Variants in AGAP1 observed in about 807,000 individuals in gnomAD.
The protein encoded by AGAP1 is arf-GAP with GTPase, ANK repeat and PH domain-containing protein 1.
AGAP1 carries 29 observed loss-of-function variants against 105.3 expected under a neutral mutation model. The observed-to-expected ratio is 0.28, with a 90% CI of 0.21 to 0.38. AGAP1 has a LOEUF of 0.38. Ranked by LOEUF, AGAP1 falls within the 10% of genes least tolerant of loss-of-function variation. AGAP1 has a pLI of 1.00. For missense variants in AGAP1, 998 were observed against 1,165.1 expected (o/e 0.86, Z 2.09); for synonymous variants, 509 against 485.9 (o/e 1.05, Z -0.63).
chr2:236,084,224 G>GT (rs1491455919), intron 16 of AGAP1, among the ~76,000 whole-genome samples: 1 of 136,054 alleles, frequency 7.4e-6, no homozygotes, highest in Non-Finnish European at 1.7e-5. Context: ...CCTGAAGGGC[G>GT]GGGGGGGGTC....
rs1245254154 is a variant in AGAP1, at chr2:235,729,057, T to TGGGCTCCA, written c.310+11423_310+11430dup. On this transcript the variant is annotated intron_variant, in intron 3 of 17. Coordinates refer to ENST00000304032, the MANE Select transcript of AGAP1 (RefSeq NM_001037131.3). The surrounding 1 kb of genome is among the most constrained non-coding windows in gnomAD (Gnocchi z 5.0). The stretch of plus-strand genomic sequence containing the variant: ...GAGGCATGATAAGAGTCAGAGTGGC[T>TGGGCTCCA]GGGCTCCAGGGCTCCAGCCAGGCTA... 6.6e-6 allele frequency among the ~76,000 whole-genome samples: 1 copy of TGGGCTCCA among 152,100 alleles called. No homozygotes were observed. Among genetic ancestry groups the TGGGCTCCA allele is most frequent in the Non-Finnish European group, 1.5e-5 (1 of 68,026 alleles).
intron 9 of AGAP1, among the ~76,000 whole-genome samples, chr2:235,810,062 C>T (rs1404817053): frequency 6.6e-6 from 1 of 152,116 alleles, no homozygotes; most frequent in East Asian, 1.9e-4. Flanking sequence ...TCTCCACTGC[C>T]CATTGATGAA....
At position 235,701,357 on chromosome 2, in the gene AGAP1, C is replaced by G. The variant is rs76775865; in HGVS notation, c.164-7822C>G. 6.6e-6 allele frequency among the ~76,000 whole-genome samples: 1 copy of G among 151,922 alleles called. No individual in the cohort carries two copies. Among genetic ancestry groups the G allele is most frequent in the African/African-American group, 2.4e-5 (1 of 41,330 alleles). On this transcript the variant is annotated intron_variant, in intron 1 of 17. Transcript: ENST00000304032. This position sits in a 1 kb window ranked among gnomAD's most constrained non-coding sequence, Gnocchi z 4.1. Reference sequence around the variant, plus strand: ...TCGCCTCAGGGCTCAGGGGAAAGAGCCTTGGAATTGCAGGCAGTGGCGTGG... The same window carrying G: ...TCGCCTCAGGGCTCAGGGGAAAGAGGCTTGGAATTGCAGGCAGTGGCGTGG...
intron 13 of AGAP1, among the ~76,000 whole-genome samples, chr2:235,996,194 G>T (rs1271007235): frequency 1.3e-5 from 2 of 152,182 alleles, no homozygotes; most frequent in Non-Finnish European, 2.9e-5. Context: ...ATTAGTAGCA[G>T]CCATTGTCAT....
chr2:235,592,972 T>TGGGACGGTGGCC (rs1240533146), intron 1 of AGAP1, among the ~76,000 whole-genome samples: 1 of 152,102 alleles, frequency 6.6e-6, no homozygotes, highest in Non-Finnish European at 1.5e-5. Flanking sequence ...GATCGGTGGC[T>TGGGACGGTGGCC]GGGACGGTGG....
intron 1 of AGAP1, chr2:235,670,090 C>T (rs1479853715): frequency 4.5e-6 from 2 of 444,434 alleles, no homozygotes; most frequent in Non-Finnish European, 7.9e-6. Context: ...GGCCCCAGCG[C>T]GCGGGCGACA....
rs148713282 is a variant in AGAP1 at position 236,071,626 on chromosome 2, C to T, written c.2114+22345C>T. Among the ~76,000 whole-genome samples the T allele has an allele frequency of 1.9e-3, 296 of 152,344 alleles. 1 individual carries two copies. Among genetic ancestry groups the T allele is most frequent in the African/African-American group, 6.8e-3 (284 of 41,568 alleles). On this transcript the variant is annotated intron_variant, in intron 16 of 17. Transcript: ENST00000304032. ...CTGCAGTGCGATGCAGGAAGACCTGCCTGATCTGCGGTGGACTGGCCAGGA... is the reference window on the plus strand; with the variant it reads ...CTGCAGTGCGATGCAGGAAGACCTGTCTGATCTGCGGTGGACTGGCCAGGA...
intron 16 of AGAP1, among the ~76,000 whole-genome samples, chr2:236,085,083 G>C (rs1186481953): frequency 6.6e-6 from 1 of 151,636 alleles, no homozygotes; most frequent in Non-Finnish European, 1.5e-5. Flanking sequence ...GGGTGTGGTG[G>C]TGTGCGCCTG....
rs964715644 is a variant in AGAP1, at chr2:235,599,974, C to T, written c.163+105125C>T. Among the ~76,000 whole-genome samples the T allele has an allele frequency of 4.6e-5, 7 of 152,160 alleles. No homozygotes were observed. The highest frequency in any genetic ancestry group is 1.4e-4 in the African/African-American group (6 of 41,444). On this transcript the variant is annotated intron_variant, in intron 1 of 17. Transcript: ENST00000304032. The surrounding 1 kb of genome is among the most constrained non-coding windows in gnomAD (Gnocchi z 5.3). ...GGTTCCACTGTGATTTGAAAACAGG[C>T]GATTCTTCCAGACAACTTTAAAGAT...
At position 236,121,600 on chromosome 2, in the gene AGAP1, T is replaced by C. The variant is rs2059901379; in HGVS notation, c.2370+1153T>C. On this transcript the variant is annotated intron_variant, in intron 17 of 17. Transcript: ENST00000304032. This position sits in a 1 kb window ranked among gnomAD's most constrained non-coding sequence, Gnocchi z 4.9. ...AGGCATGACCCACCACGCCCAGCCTTGATCTGACTTTTTTGATGGGTGCAG... is the reference window on the plus strand; with the variant it reads ...AGGCATGACCCACCACGCCCAGCCTCGATCTGACTTTTTTGATGGGTGCAG... Among the ~76,000 whole-genome samples the C allele has an allele frequency of 6.6e-6, 1 of 152,156 alleles. No individual in the cohort carries two copies. Among genetic ancestry groups the C allele is most frequent in the Non-Finnish European group, 1.5e-5 (1 of 68,034 alleles).
intron 2 of AGAP1, among the ~76,000 whole-genome samples, chr2:235,713,434 C>T (rs537557720): frequency 6.6e-6 from 1 of 152,350 alleles, no homozygotes; most frequent in South Asian, 2.1e-4. Flanking sequence ...CATTCACTCA[C>T]CAGCAGTGCA....
intron 11 of AGAP1, among the ~76,000 whole-genome samples, chr2:235,929,049 G>C (rs929697577): frequency 4.6e-5 from 7 of 152,190 alleles, no homozygotes; most frequent in Non-Finnish European, 1.0e-4. Context: ...CAGAACATCA[G>C]GGCTTGGGGG....
rs752768233 is a variant in AGAP1, at chr2:235,824,356, A to T, written c.1050+17025A>T. Among the ~76,000 whole-genome samples, 3 of 152,202 alleles carry T rather than the reference A, an allele frequency of 2.0e-5. No individual in the cohort carries two copies. The highest frequency in any genetic ancestry group is 4.4e-5 in the Non-Finnish European group (3 of 68,042). On this transcript the variant is annotated intron_variant, in intron 9 of 17. Coordinates refer to ENST00000304032, the MANE Select transcript of AGAP1 (RefSeq NM_001037131.3). This position sits in a 1 kb window ranked among gnomAD's most constrained non-coding sequence, Gnocchi z 5.2. ...TTACTAGTTCTTTAAAATGTACTGTACTCACTGTGGGTCTTGCAAATTGGT... is the reference window on the plus strand; with the variant it reads ...TTACTAGTTCTTTAAAATGTACTGTTCTCACTGTGGGTCTTGCAAATTGGT...
chr2:235,912,705 A>G (rs1400375355), intron 11 of AGAP1, among the ~76,000 whole-genome samples: 2 of 152,226 alleles, frequency 1.3e-5, no homozygotes, highest in Non-Finnish European at 2.9e-5. Flanking sequence ...TTCTTGATAC[A>G]CATTTCCAAA....
chr2:235,534,726 G>A lies in AGAP1; in HGVS notation c.163+39877G>A, dbSNP rs7607154. ...CACCGTTTCCTCATTCAGGGACACG[G>A]GGATAGTGGTAGTGTGTCTTCAGCA... is the stretch of plus-strand genomic sequence containing the variant. On this transcript the variant is annotated intron_variant, in intron 1 of 17. Transcript: ENST00000304032. 9.2e-3 allele frequency among the ~76,000 whole-genome samples: 1,400 copies of A among 152,300 alleles called. 25 individuals carry two copies. Among genetic ancestry groups the A allele is most frequent in the African/African-American group, 0.033 (1,358 of 41,558 alleles).
Position 235,958,595 on chromosome 2 carries a change from G to A in AGAP1, c.1484-9867G>A, listed in dbSNP as rs1397381887. Among the ~76,000 whole-genome samples the A allele has an allele frequency of 6.6e-6, 1 of 152,278 alleles. No homozygotes were observed. The highest frequency in any genetic ancestry group is 2.1e-4 in the South Asian group (1 of 4,822). On this transcript the variant is annotated intron_variant, in intron 12 of 17. Coordinates refer to ENST00000304032, the MANE Select transcript of AGAP1 (RefSeq NM_001037131.3). This position sits in a 1 kb window ranked among gnomAD's most constrained non-coding sequence, Gnocchi z 4.1. ...ATCAAAAATTGCCCAGCTAATGATC[G>A]GCTGGGCAGATAATCGGAGGAGAGT...
In AGAP1 at chr2:235,719,409, G is replaced by A. The variant is rs1951271472; in HGVS notation, c.310+1765G>A. ...GGGCCCAGCTGGGATGTCTTTTGCAGTGCATAATTGACCCTTACATGTTGA... is the reference window on the plus strand; with the variant it reads ...GGGCCCAGCTGGGATGTCTTTTGCAATGCATAATTGACCCTTACATGTTGA... On this transcript the variant is annotated intron_variant, in intron 3 of 17. Coordinates refer to ENST00000304032, the MANE Select transcript of AGAP1 (RefSeq NM_001037131.3). This position sits in a 1 kb window ranked among gnomAD's most constrained non-coding sequence, Gnocchi z 4.9. Among the ~76,000 whole-genome samples, 1 of 152,156 alleles carries A rather than the reference G, an allele frequency of 6.6e-6. No individual in the cohort carries two copies. The highest frequency in any genetic ancestry group is 1.5e-5 in the Non-Finnish European group (1 of 68,036).
chr2:235,773,202 G>A (rs1261243112), intron 6 of AGAP1, among the ~76,000 whole-genome samples: 1 of 152,202 alleles, frequency 6.6e-6, no homozygotes, highest in Admixed American at 6.5e-5. Context: ...ATATCCTCTA[G>A]AGGTTTCCCA....
chr2:235,537,031 A>C (rs1943260713), intron 1 of AGAP1, among the ~76,000 whole-genome samples: 1 of 152,184 alleles, frequency 6.6e-6, no homozygotes, highest in African/African-American at 2.4e-5. Flanking sequence ...CAGGTCCCTG[A>C]TGAGCAGCTC....
Sources: allele counts gnomAD v4.1 joint callset (sites outside exome capture counted in the v4.1 genomes callset), GRCh38; gene constraint gnomAD v4.1.1; non-coding constraint Gnocchi (gnomAD v3.1); transcripts MANE v1.5; gene names NCBI Gene and HGNC (gene_info 2026-07-23, HGNC 2026-07-21).